Variants in DCC observed in about 807,000 individuals in gnomAD.
DCC encodes the protein netrin receptor DCC.
Under a neutral mutation model 172.5 loss-of-function variants are expected in DCC, and 58 were observed. That is an observed-to-expected ratio of 0.34 (90% CI 0.27 to 0.42). The LOEUF is 0.42. Ranked by LOEUF, DCC falls within the 10% of genes least tolerant of loss-of-function variation. The pLI is 1.00. For synonymous variants in DCC, 709 were observed against 644.5 expected (o/e 1.10, Z -1.52); for missense variants, 1,740 against 1,791.0 (o/e 0.97, Z 0.51).
At chr18:52,900,920 G>C (rs902894645) in intron 2 of DCC, among the ~76,000 whole-genome samples, 1 of 152,144 alleles carries the variant, frequency 6.6e-6, no homozygotes, top group African/African-American at 2.4e-5. Flanking sequence ...ATTTTTAATA[G>C]TTAAGTACTT....
At chr18:53,247,525 A>C (rs1393594844) in intron 12 of DCC, among the ~76,000 whole-genome samples, 1 of 152,052 alleles carries the variant, frequency 6.6e-6, no homozygotes, top group Non-Finnish European at 1.5e-5. Context: ...AGCACAATAC[A>C]GGCTTTGACA....
At chr18:53,527,501 G>C (rs1209616401) in intron 28 of DCC, among the ~76,000 whole-genome samples, 3 of 151,670 alleles carry the variant, frequency 2.0e-5, no homozygotes, top group Admixed American at 1.3e-4. Flanking sequence ...ATATAGATTT[G>C]TGAAGGAAAA....
intron 5 of DCC, among the ~76,000 whole-genome samples, chr18:52,938,077 G>A (rs1033561942): frequency 6.6e-6 from 1 of 152,058 alleles, no homozygotes; most frequent in Non-Finnish European, 1.5e-5. Flanking sequence ...ACATTGTTAT[G>A]ACACGCATTC....
chr18:53,171,979 T>G (rs932407485), intron 8 of DCC, among the ~76,000 whole-genome samples: 9 of 152,226 alleles, frequency 5.9e-5, no homozygotes, highest in East Asian at 3.9e-4. Context: ...ATTAGGAGAT[T>G]CCTGAAAGAA....
intron 13 of DCC, among the ~76,000 whole-genome samples, chr18:53,309,942 A>G (rs2057245738): frequency 1.6e-5 from 2 of 128,702 alleles, no homozygotes; most frequent in South Asian, 2.6e-4. Flanking sequence ...ATATATATAT[A>G]TACATGTATA....
intron 7 of DCC, among the ~76,000 whole-genome samples, chr18:53,126,086 G>C (rs1416822623): frequency 6.6e-6 from 1 of 152,076 alleles, no homozygotes; most frequent in African/African-American, 2.4e-5. Context: ...AGAGACATGA[G>C]AGAAATTCCA....
intron 1 of DCC, among the ~76,000 whole-genome samples, chr18:52,578,409 G>T (rs1203240378): frequency 1.3e-5 from 2 of 152,200 alleles, no homozygotes; most frequent in African/African-American, 4.8e-5. Flanking sequence ...AATTTCAGGA[G>T]CTGATGATAC....
intron 12 of DCC, among the ~76,000 whole-genome samples, chr18:53,231,777 A>G (rs535213808): frequency 8.5e-5 from 13 of 152,208 alleles, no homozygotes; most frequent in African/African-American, 3.1e-4. Flanking sequence ...AATTCATTCT[A>G]CCTTTATCAG....
chr18:52,413,845 C>A (rs1226973960), intron 1 of DCC, among the ~76,000 whole-genome samples: 1 of 152,048 alleles, frequency 6.6e-6, no homozygotes. Context: ...GAAAAATACT[C>A]CTTTACATAA....
chr18:52,427,018 AG>A (rs949570094), intron 1 of DCC, among the ~76,000 whole-genome samples: 5 of 152,154 alleles, frequency 3.3e-5, no homozygotes, highest in African/African-American at 1.2e-4. Flanking sequence ...ACAAAAACTG[AG>A]GTTTAAAAGT....
chr18:52,607,870 T>C (rs546684975), intron 1 of DCC, among the ~76,000 whole-genome samples: 1 of 152,242 alleles, frequency 6.6e-6, no homozygotes, highest in East Asian at 1.9e-4. Context: ...GGAGGTTTTC[T>C]GAGAGAGATA....
At chr18:52,901,641 T>C (rs2039810249) in intron 2 of DCC, among the ~76,000 whole-genome samples, 1 of 152,098 alleles carries the variant, frequency 6.6e-6, no homozygotes, top group African/African-American at 2.4e-5. Context: ...TGTTAAATAA[T>C]GAAGCGGGGA....
At chr18:52,563,509 G>GCA (rs1451021709) in intron 1 of DCC, among the ~76,000 whole-genome samples, 1 of 152,090 alleles carries the variant, frequency 6.6e-6, no homozygotes, top group East Asian at 1.9e-4. Flanking sequence ...TCTTCAGCAG[G>GCA]CACACATAAG....
chr18:53,002,112 C>A (rs1469795519), intron 5 of DCC, among the ~76,000 whole-genome samples: 1 of 152,008 alleles, frequency 6.6e-6, no homozygotes, highest in Non-Finnish European at 1.5e-5. Context: ...GTTCATCTAG[C>A]CACATGTAAA....
intron 1 of DCC, among the ~76,000 whole-genome samples, chr18:52,586,179 T>G (rs1340184177): frequency 2.0e-5 from 3 of 151,016 alleles, no homozygotes; most frequent in Non-Finnish European, 4.4e-5. Context: ...CAAATCTGAA[T>G]AATCCAACAT....
chr18:52,548,043 A>G (rs2032664143), intron 1 of DCC, among the ~76,000 whole-genome samples: 1 of 152,200 alleles, frequency 6.6e-6, no homozygotes, highest in African/African-American at 2.4e-5. Context: ...GAGAGAAAGA[A>G]CAGGAAGAAC....
intron 12 of DCC, among the ~76,000 whole-genome samples, chr18:53,222,383 C>CTTTTTTTTTTTTTTTTTTT (rs67373546): frequency 3.8e-5 from 4 of 104,218 alleles, no homozygotes; most frequent in East Asian, 2.8e-4. Context: ...TTTCTTTTTT[C>CTTTTTTTTTTTTTTTTTTT]TTTTTTTTTT....
At chr18:53,185,195 G>A (rs879470280) in intron 9 of DCC, among the ~76,000 whole-genome samples, 1 of 152,170 alleles carries the variant, frequency 6.6e-6, no homozygotes, top group Non-Finnish European at 1.5e-5. Flanking sequence ...AGTATCCTCT[G>A]TGACCAAAGG....
At chr18:53,215,920 C>CT (rs1264400389) in intron 12 of DCC, among the ~76,000 whole-genome samples, 4 of 152,140 alleles carry the variant, frequency 2.6e-5, no homozygotes, top group Non-Finnish European at 5.9e-5. Flanking sequence ...ACCAGTCTAT[C>CT]ATATAGCAAT....
Sources: allele counts gnomAD v4.1 joint callset (sites outside exome capture counted in the v4.1 genomes callset), GRCh38; gene constraint gnomAD v4.1.1; transcripts MANE v1.5; gene names NCBI Gene and HGNC (gene_info 2026-07-23, HGNC 2026-07-21).